Variants in C1QA observed in about 807,000 individuals in gnomAD.
C1QA encodes complement C1q A chain.
Under a neutral mutation model 6.9 loss-of-function variants are expected in C1QA, and 3 were observed. The ratio of observed to expected loss-of-function variants is 0.44; its 90% CI spans 0.20 to 1.12. The LOEUF (loss-of-function observed/expected upper bound fraction) is 1.12, where lower values mean the gene tolerates loss of function less well. Among genes scored for constraint, C1QA ranks in the 50% most tolerant of loss-of-function variants. The pLI is 0.27. For missense variants in C1QA, 273 were observed against 326.6 expected (o/e 0.84, Z 1.26); for synonymous variants, 128 against 134.1 (o/e 0.95, Z 0.31).
Position 22,637,621 on chromosome 1 carries a change from AG to A in C1QA, c.8del (p.Gly3ValfsTer19). 1 of 1,613,932 alleles carries A rather than the reference AG, an allele frequency of 6.2e-7. No homozygotes were observed. Among genetic ancestry groups the A allele is most frequent in the Admixed American group, 1.7e-5 (1 of 60,002 alleles). The part of the protein sequence containing the change: M[E>X]GPRGWLVLCV... ...CCGTGTCTCCACAGAGGCATCATGGAGGGTCCCCGGGGATGGCTGGTGCTCT... is the reference window on the plus strand; with the variant it reads ...CCGTGTCTCCACAGAGGCATCATGGAGGTCCCCGGGGATGGCTGGTGCTCT... On this transcript the variant is annotated frameshift_variant, in exon 2 of 3. Transcript: ENST00000374642. LOFTEE classifies it high-confidence loss of function. This position sits in a 1 kb window ranked among gnomAD's most constrained non-coding sequence, Gnocchi z 4.4.
Position 22,637,891 on chromosome 1 carries a change from C to T in C1QA, c.163+112C>T. On this transcript the variant is annotated intron_variant, in intron 2 of 2. Transcript: ENST00000374642. The surrounding 1 kb of genome is among the most constrained non-coding windows in gnomAD (Gnocchi z 4.4). ...AGGAGTCCGTCTGCCCCCAGTGCCC[C>T]ATGAATCCTCTCCAGTTTGTACTTG... 7.5e-7 allele frequency: 1 copy of T among 1,336,462 alleles called. No individual in the cohort carries two copies. The highest frequency in any genetic ancestry group is 1.0e-6 in the Non-Finnish European group (1 of 995,786). The allele number at this position is 1,336,462 out of a possible 1,614,324, so 82.8% of individuals were successfully genotyped here. A position where few individuals can be genotyped will look rare whatever the true frequency, so the allele number is the denominator to read the frequency against.
At position 22,637,641 on chromosome 1, in the gene C1QA, G is replaced by C; in HGVS notation, c.25G>C (p.Val9Leu). 6.2e-7 allele frequency: 1 copy of C among 1,614,082 alleles called. No homozygotes were observed. The highest frequency in any genetic ancestry group is 8.5e-7 in the Non-Finnish European group (1 of 1,179,990). Reference sequence around the variant, plus strand: ...CATGGAGGGTCCCCGGGGATGGCTGGTGCTCTGTGTGCTGGCCATATCGCT... The same window carrying C: ...CATGGAGGGTCCCCGGGGATGGCTGCTGCTCTGTGTGCTGGCCATATCGCT... Reference protein sequence around the residue: MEGPRGWLVLCVLAISLAS... With the variant: MEGPRGWLLLCVLAISLAS... Residue 9 changes from valine to leucine, a missense_variant, in exon 2 of 3, where the codon GTG becomes CTG. Coordinates refer to ENST00000374642, the MANE Select transcript of C1QA (RefSeq NM_015991.4). This position sits in a 1 kb window ranked among gnomAD's most constrained non-coding sequence, Gnocchi z 4.4.
At position 22,639,057 on chromosome 1, in the gene C1QA, G is replaced by A. The variant is rs568891417; in HGVS notation, c.388G>A (p.Val130Met). 3.5e-5 allele frequency: 57 copies of A among 1,614,260 alleles called. No homozygotes were observed. The highest frequency in any genetic ancestry group is 1.8e-4 in the East Asian group (8 of 44,874). The change falls in exon 3 of 3, where the codon GTG (valine) becomes ATG (methionine). Residue 130 changes from valine (V) to methionine (M), a missense_variant. Coordinates refer to ENST00000374642, the MANE Select transcript of C1QA (RefSeq NM_015991.4). This position sits in a 1 kb window ranked among gnomAD's most constrained non-coding sequence, Gnocchi z 4.6. ...GCGGAACCCCCCAATGGGGGGCAAC[G>A]TGGTCATCTTCGACACGGTCATCAC... Reference protein sequence around the residue: ...IRRNPPMGGNVVIFDTVITNQ... With the variant: ...IRRNPPMGGNMVIFDTVITNQ...
At position 22,637,923 on chromosome 1, in the gene C1QA, G is replaced by A. The variant is rs1642207797; in HGVS notation, c.163+144G>A. The A allele has an allele frequency of 3.4e-6, 4 of 1,163,094 alleles. No individual in the cohort carries two copies. Among genetic ancestry groups the A allele is most frequent in the Non-Finnish European group, 4.7e-6 (4 of 847,428 alleles). The allele number at this position is 1,163,094 out of a possible 1,614,324, so 72.0% of individuals were successfully genotyped here. ...CCTCTCCAGTTTGTACTTGGCCACAGGGGCTAAGGGAGGCCTAGCCTTCTC... is the reference window on the plus strand; with the variant it reads ...CCTCTCCAGTTTGTACTTGGCCACAAGGGCTAAGGGAGGCCTAGCCTTCTC... On this transcript the variant is annotated intron_variant, in intron 2 of 2. Coordinates refer to ENST00000374642, the MANE Select transcript of C1QA (RefSeq NM_015991.4). This position sits in a 1 kb window ranked among gnomAD's most constrained non-coding sequence, Gnocchi z 4.4.
At position 22,639,330 on chromosome 1, in the gene C1QA, C is replaced by T. The variant is rs143863208; in HGVS notation, c.661C>T (p.Pro221Ser). 6 of 1,613,796 alleles carry T rather than the reference C, an allele frequency of 3.7e-6. No individual in the cohort carries two copies. The African/African-American group carries it at 5.3e-5, about 14-fold the overall frequency. Reference protein sequence around the residue: ...QGDQVWVEKDPKKGHIYQGSE... With the variant: ...QGDQVWVEKDSKKGHIYQGSE... ...TGACCAGGTCTGGGTTGAAAAAGACCCCAAAAAGGGTCACATTTACCAGGG... is the reference window on the plus strand; with the variant it reads ...TGACCAGGTCTGGGTTGAAAAAGACTCCAAAAAGGGTCACATTTACCAGGG... The change falls in exon 3 of 3, where the codon CCC (proline) becomes TCC (serine). Residue 221 changes from proline to serine, a missense_variant. Pro to Ser is a moderately conservative substitution (Grantham distance 74). Coordinates refer to ENST00000374642, the MANE Select transcript of C1QA (RefSeq NM_015991.4). This position sits in a 1 kb window ranked among gnomAD's most constrained non-coding sequence, Gnocchi z 4.6.
chr1:22,637,640 G>A lies in C1QA; in HGVS notation c.24G>A (p.Leu8=), dbSNP rs1382788005. The A allele has an allele frequency of 2.5e-6, 4 of 1,613,976 alleles. No individual in the cohort carries two copies. Among genetic ancestry groups the A allele is most frequent in the Admixed American group, 3.3e-5 (2 of 60,006 alleles). Residue 8 remains leucine (L), a synonymous_variant, in exon 2 of 3, where the codon CTG becomes CTA. Coordinates refer to ENST00000374642, the MANE Select transcript of C1QA (RefSeq NM_015991.4). This position sits in a 1 kb window ranked among gnomAD's most constrained non-coding sequence, Gnocchi z 4.4. ...TCATGGAGGGTCCCCGGGGATGGCT[G>A]GTGCTCTGTGTGCTGGCCATATCGC... MEGPRGW[L]VLCVLAISLA... is the part of the protein sequence containing the mutation.
At position 22,637,776 on chromosome 1, in the gene C1QA, C is replaced by T. The variant is rs2148290147; in HGVS notation, c.160C>T (p.Pro54Ser). ...RPGLKGEQGE[P>S]GAPGIRTGIQ... ...AGGCCTCAAGGGGGAGCAAGGGGAGCCGGGTAAGCACCCTTCCTCGGGACC... is the reference window on the plus strand; with the variant it reads ...AGGCCTCAAGGGGGAGCAAGGGGAGTCGGGTAAGCACCCTTCCTCGGGACC... Residue 54 changes from proline to serine, a missense_variant, in exon 2 of 3, where the codon CCG (proline) becomes TCG (serine). Transcript: ENST00000374642. The surrounding 1 kb of genome is among the most constrained non-coding windows in gnomAD (Gnocchi z 4.4). The T allele has an allele frequency of 6.3e-7, 1 of 1,577,744 alleles. No homozygotes were observed. The highest frequency in any genetic ancestry group is 8.6e-7 in the Non-Finnish European group (1 of 1,162,214).
Position 22,638,972 on chromosome 1 carries a change from C to T in C1QA, c.303C>T (p.Gly101=), listed in dbSNP as rs762772392. The stretch of plus-strand genomic sequence containing the variant: ...CCCGTGGCATCCCGGGAATTAAAGG[C>T]ACCAAGGGCAGCCCAGGAAACATCA... ...LGARGIPGIK[G]TKGSPGNIKD... is the part of the protein sequence containing the mutation. The change falls in exon 3 of 3, where the codon GGC becomes GGT. Residue 101 remains glycine (G), a synonymous_variant. Transcript: ENST00000374642. The T allele has an allele frequency of 6.8e-6, 11 of 1,610,504 alleles. No homozygotes were observed. The Admixed American group carries it at 1.7e-4, about 25-fold the overall frequency.
In C1QA at chr1:22,637,578, C is replaced by G. The variant is rs779154811; in HGVS notation, c.-7-32C>G. 3 of 1,611,880 alleles carry G rather than the reference C, an allele frequency of 1.9e-6. No individual in the cohort carries two copies. The highest frequency in any genetic ancestry group is 3.3e-5 in the Admixed American group (2 of 59,730). On this transcript the variant is annotated intron_variant, in intron 1 of 2. Transcript: ENST00000374642. The surrounding 1 kb of genome is among the most constrained non-coding windows in gnomAD (Gnocchi z 4.4). The stretch of plus-strand genomic sequence containing the variant: ...GGGAGCTGGGTGTGAGTGTGATGTC[C>G]AACCTGCCCAGGCCCTCCCGTGTCT...
At chr1:22,638,228 A>G (rs1642211496) in intron 2 of C1QA, among the ~76,000 whole-genome samples, 1 of 152,166 alleles carries the variant, frequency 6.6e-6, no homozygotes, top group Non-Finnish European at 1.5e-5. Flanking sequence ...ACTGCCTGGC[A>G]CATAGAGAGG....
chr1:22,637,430 G>A lies in C1QA; in HGVS notation c.-7-180G>A, dbSNP rs1428502805. 10 of 686,164 alleles carry A rather than the reference G, an allele frequency of 1.5e-5. No individual in the cohort carries two copies. Among genetic ancestry groups the A allele is most frequent in the Non-Finnish European group, 1.5e-5 (6 of 396,372 alleles). The allele number at this position is 686,164 out of a possible 1,614,324, so 42.5% of individuals were successfully genotyped here. ...CATGTGTGGATGTGTGTGAGTTTGTGGTTCTGTGTATATGCGTGGGGTCCT... is the reference window on the plus strand; with the variant it reads ...CATGTGTGGATGTGTGTGAGTTTGTAGTTCTGTGTATATGCGTGGGGTCCT... On this transcript the variant is annotated intron_variant, in intron 1 of 2. Coordinates refer to ENST00000374642, the MANE Select transcript of C1QA (RefSeq NM_015991.4). The surrounding 1 kb of genome is among the most constrained non-coding windows in gnomAD (Gnocchi z 4.4).
chr1:22,637,597 C>A lies in C1QA; in HGVS notation c.-7-13C>A, dbSNP rs201975189. On this transcript the variant is annotated splice_polypyrimidine_tract_variant and intron_variant, in intron 1 of 2. Coordinates refer to ENST00000374642, the MANE Select transcript of C1QA (RefSeq NM_015991.4). The surrounding 1 kb of genome is among the most constrained non-coding windows in gnomAD (Gnocchi z 4.4). ...GATGTCCAACCTGCCCAGGCCCTCC[C>A]GTGTCTCCACAGAGGCATCATGGAG... 1 of 1,613,528 alleles carries A rather than the reference C, an allele frequency of 6.2e-7. No homozygotes were observed. The highest frequency in any genetic ancestry group is 8.5e-7 in the Non-Finnish European group (1 of 1,179,830).
rs763842392 is a variant in C1QA, at chr1:22,639,393, T to C, written c.724T>C (p.Phe242Leu). Reference sequence around the variant, plus strand: ...CAGCGTCTTCAGCGGCTTCCTCATCTTCCCATCTGCCTGAGCCAGGGAAGG... The same window carrying C: ...CAGCGTCTTCAGCGGCTTCCTCATCCTCCCATCTGCCTGAGCCAGGGAAGG... ...ADSVFSGFLI[F>L]PSA The change falls in exon 3 of 3, where the codon TTC becomes CTC. Residue 242 changes from phenylalanine to leucine, a missense_variant. Coordinates refer to ENST00000374642, the MANE Select transcript of C1QA (RefSeq NM_015991.4). The surrounding 1 kb of genome is among the most constrained non-coding windows in gnomAD (Gnocchi z 4.6). 16 of 1,613,488 alleles carry C rather than the reference T, an allele frequency of 9.9e-6. No individual in the cohort carries two copies. The highest frequency in any genetic ancestry group is 1.3e-5 in the African/African-American group (1 of 74,918).
At position 22,638,853 on chromosome 1, in the gene C1QA, G is replaced by T; in HGVS notation, c.184G>T (p.Gly62Cys). 6.3e-7 allele frequency: 1 copy of T among 1,590,012 alleles called. No individual in the cohort carries two copies. The highest frequency in any genetic ancestry group is 8.6e-7 in the Non-Finnish European group (1 of 1,168,944). ...CACAGGGGCCCCTGGCATCCGGACA[G>T]GCATCCAAGGCCTTAAAGGAGACCA... ...GEPGAPGIRT[G>C]IQGLKGDQGE... Residue 62 changes from glycine (G) to cysteine (C), a missense_variant, in exon 3 of 3, where the codon GGC (glycine) becomes TGC (cysteine). Physicochemically the swap from Gly to Cys is radical, Grantham distance 159. Transcript: ENST00000374642.
intron 2 of C1QA, among the ~76,000 whole-genome samples, chr1:22,638,497 C>T (rs777741943): frequency 1.3e-5 from 2 of 152,188 alleles, no homozygotes; most frequent in Non-Finnish European, 2.9e-5. Flanking sequence ...ACATGTGGTA[C>T]CTGAACCTGA....
Position 22,638,851 on chromosome 1 carries a change from C to A in C1QA, c.182C>A (p.Thr61Lys). Residue 61 changes from threonine (T) to lysine (K), a missense_variant, in exon 3 of 3, where the codon ACA becomes AAA. Physicochemically the swap from Thr to Lys is moderately conservative, Grantham distance 78. Transcript: ENST00000374642. ...QGEPGAPGIR[T>K]GIQGLKGDQG... Reference sequence around the variant, plus strand: ...CCCACAGGGGCCCCTGGCATCCGGACAGGCATCCAAGGCCTTAAAGGAGAC... The same window carrying A: ...CCCACAGGGGCCCCTGGCATCCGGAAAGGCATCCAAGGCCTTAAAGGAGAC... The A allele has an allele frequency of 5.7e-6, 9 of 1,589,270 alleles. No homozygotes were observed. The highest frequency in any genetic ancestry group is 7.7e-6 in the Non-Finnish European group (9 of 1,168,562).
chr1:22,637,524 A>T lies in C1QA; in HGVS notation c.-7-86A>T. On this transcript the variant is annotated intron_variant, in intron 1 of 2. Coordinates refer to ENST00000374642, the MANE Select transcript of C1QA (RefSeq NM_015991.4). This position sits in a 1 kb window ranked among gnomAD's most constrained non-coding sequence, Gnocchi z 4.4. ...TGTGCACTTGGGGAGGACTGTGCAT[A>T]TATCATTGTGTGCATGGGACTCAAG... 1 of 1,507,392 alleles carries T rather than the reference A, an allele frequency of 6.6e-7. No homozygotes were observed. The highest frequency in any genetic ancestry group is 9.1e-7 in the Non-Finnish European group (1 of 1,098,652). The allele number at this position is 1,507,392 out of a possible 1,614,324, so 93.4% of individuals were successfully genotyped here. A position where few individuals can be genotyped will look rare whatever the true frequency, so the allele number is the denominator to read the frequency against.
In C1QA at chr1:22,637,584, G is replaced by C; in HGVS notation, c.-7-26G>C. 1 of 1,612,830 alleles carries C rather than the reference G, an allele frequency of 6.2e-7. No homozygotes were observed. On this transcript the variant is annotated intron_variant, in intron 1 of 2. Transcript: ENST00000374642. The surrounding 1 kb of genome is among the most constrained non-coding windows in gnomAD (Gnocchi z 4.4). ...TGGGTGTGAGTGTGATGTCCAACCT[G>C]CCCAGGCCCTCCCGTGTCTCCACAG...
intron 2 of C1QA, among the ~76,000 whole-genome samples, chr1:22,638,339 C>T (rs1315813061): frequency 3.9e-5 from 6 of 152,176 alleles, no homozygotes; most frequent in Admixed American, 3.9e-4. Context: ...GACTCACATT[C>T]TAGAAGAAAG....
Sources: allele counts gnomAD v4.1 joint callset (sites outside exome capture counted in the v4.1 genomes callset), GRCh38; gene constraint gnomAD v4.1.1; non-coding constraint Gnocchi (gnomAD v3.1); transcripts MANE v1.5; gene names NCBI Gene and HGNC (gene_info 2026-07-23, HGNC 2026-07-21).